The following PPP2R2B variants were observed in gnomAD, a reference collection of about 807,000 sequenced individuals.
The protein encoded by PPP2R2B is protein phosphatase 2 regulatory subunit Bbeta, also known as serine/threonine-protein phosphatase 2A 55 kDa regulatory subunit B beta isoform.
PPP2R2B carries 5 observed loss-of-function variants against 46.0 expected under a neutral mutation model. The ratio of observed to expected loss-of-function variants is 0.11; its 90% CI spans 0.06 to 0.23. The LOEUF (loss-of-function observed/expected upper bound fraction) is 0.23, where lower values mean the gene tolerates loss of function less well. PPP2R2B is among the 10% of genes least tolerant of loss of function. The pLI is 1.00. For missense variants in PPP2R2B, 367 were observed against 575.0 expected (o/e 0.64, Z 3.70); for synonymous variants, 215 against 206.7 (o/e 1.04, Z -0.34).
At chr5:146,886,497 G>A (rs1762332355) in intron 1 of PPP2R2B, among the ~76,000 whole-genome samples, 1 of 152,028 alleles carries the variant, frequency 6.6e-6, no homozygotes, top group Admixed American at 6.6e-5. Flanking sequence ...TATCAATACA[G>A]CTGTTATTAA....
intron 1 of PPP2R2B, among the ~76,000 whole-genome samples, chr5:146,993,864 T>G (rs1450927562): frequency 1.3e-5 from 2 of 152,154 alleles, no homozygotes; most frequent in Non-Finnish European, 2.9e-5. Context: ...CTCCCTACGT[T>G]AGGATACTAT....
intron 1 of PPP2R2B, among the ~76,000 whole-genome samples, chr5:146,998,380 T>C (rs1448121157): frequency 1.3e-5 from 2 of 152,160 alleles, no homozygotes; most frequent in African/African-American, 4.8e-5. Context: ...ATATCCTTAA[T>C]TGAGTCGGAC....
At chr5:146,767,886 C>A (rs1312240801) in intron 2 of PPP2R2B, among the ~76,000 whole-genome samples, 1 of 152,144 alleles carries the variant, frequency 6.6e-6, no homozygotes, top group Non-Finnish European at 1.5e-5. Context: ...TGTGCCTAAC[C>A]TATTCACTCC....
At chr5:147,025,850 A>G (rs1652272899) in intron 1 of PPP2R2B, among the ~76,000 whole-genome samples, 1 of 152,152 alleles carries the variant, frequency 6.6e-6, no homozygotes, top group African/African-American at 2.4e-5. Flanking sequence ...GTTAGCATTT[A>G]GAAGTAAGCA....
intron 1 of PPP2R2B, chr5:146,922,360 C>T (rs1372105292): frequency 6.6e-6 from 1 of 152,202 alleles, no homozygotes; most frequent in African/African-American, 2.4e-5. Context: ...CTCTCCAGGA[C>T]TCTCCCTCCT....
intron 1 of PPP2R2B, among the ~76,000 whole-genome samples, chr5:147,002,616 C>T (rs1162396493): frequency 2.7e-5 from 4 of 149,260 alleles, no homozygotes; most frequent in Non-Finnish European, 4.4e-5. Flanking sequence ...TTCGAGAATG[C>T]ATCAGTAAGG....
chr5:147,062,916 GGACTGT>G (rs1757301027), intron 2 of PPP2R2B, among the ~76,000 whole-genome samples: 1 of 141,188 alleles, frequency 7.1e-6, no homozygotes, highest in African/African-American at 2.6e-5. Context: ...ATGGTGCCAA[GGACTGT>G]GAGATTAGAT....
intron 2 of PPP2R2B, among the ~76,000 whole-genome samples, chr5:146,728,097 A>G (rs971998789): frequency 6.8e-6 from 1 of 147,382 alleles, no homozygotes; most frequent in East Asian, 2.0e-4. Flanking sequence ...ACTTTAAAAA[A>G]CTTTTAGTTT....
At chr5:146,995,300 G>A (rs2013009) in intron 1 of PPP2R2B, among the ~76,000 whole-genome samples, 22,610 of 152,136 alleles carry the variant, frequency 0.15, 2,085 homozygotes, top group East Asian at 0.29. Context: ...CCCAGTACTT[G>A]CCCAGTTTCT....
At chr5:146,592,841 A>G (rs1488291284) in intron 9 of PPP2R2B, 130 bp downstream of exon 9, 1 of 795,086 alleles carries the variant, frequency 1.3e-6, no homozygotes, top group African/African-American at 1.7e-5. Context: ...AGGGGCCCAC[A>G]TTATGCATTT....
At chr5:147,043,233 A>G (rs1294114006) in intron 1 of PPP2R2B, among the ~76,000 whole-genome samples, 1 of 152,038 alleles carries the variant, frequency 6.6e-6, no homozygotes, top group Non-Finnish European at 1.5e-5. Context: ...GGGAGGTGCT[A>G]TGGACTAAAT....
intron 1 of PPP2R2B, among the ~76,000 whole-genome samples, chr5:146,888,925 T>C (rs1346932361): frequency 2.0e-5 from 3 of 152,160 alleles, no homozygotes; most frequent in Non-Finnish European, 4.4e-5. Flanking sequence ...AATTAGCACC[T>C]CCATCTCTGC....
intron 1 of PPP2R2B, among the ~76,000 whole-genome samples, chr5:147,011,866 A>G (rs1412916255): frequency 9.1e-6 from 1 of 110,320 alleles, no homozygotes; most frequent in Non-Finnish European, 2.0e-5. Flanking sequence ...CTCTGTTTAT[A>G]TGTTGGATTA....
At chr5:146,643,348 A>G (rs1486406032) in intron 6 of PPP2R2B, among the ~76,000 whole-genome samples, 2 of 151,388 alleles carry the variant, frequency 1.3e-5, no homozygotes, top group African/African-American at 4.9e-5. Context: ...CCCCTGATCC[A>G]TGGAGCCTAT....
intron 2 of PPP2R2B, among the ~76,000 whole-genome samples, chr5:146,719,793 A>C (rs1456140851): frequency 6.6e-6 from 1 of 152,156 alleles, no homozygotes; most frequent in East Asian, 1.9e-4. Context: ...CAACATTTTG[A>C]ATGAGTTTCT....
intron 5 of PPP2R2B, among the ~76,000 whole-genome samples, chr5:146,685,597 A>T (rs1482823133): frequency 6.6e-6 from 1 of 152,208 alleles, no homozygotes; most frequent in Non-Finnish European, 1.5e-5. Context: ...GGAAGTCCTC[A>T]TTCAGGAGTC....
chr5:146,598,928 GTAAAC>G (rs1449244433), intron 8 of PPP2R2B, among the ~76,000 whole-genome samples: 2 of 152,114 alleles, frequency 1.3e-5, no homozygotes, highest in Non-Finnish European at 2.9e-5. Context: ...TGGTTTGTGA[GTAAAC>G]TAAGATCATT....
At chr5:147,016,664 T>C (rs1260465971) in intron 1 of PPP2R2B, among the ~76,000 whole-genome samples, 1 of 133,894 alleles carries the variant, frequency 7.5e-6, no homozygotes, top group Non-Finnish European at 1.6e-5. Flanking sequence ...TCAATCCTTC[T>C]GTGTTGGGAA....
chr5:146,799,623 C>A (rs761561063), intron 2 of PPP2R2B, among the ~76,000 whole-genome samples: 10 of 152,120 alleles, frequency 6.6e-5, no homozygotes, highest in Non-Finnish European at 1.0e-4. Context: ...AGAGATTCAG[C>A]AAGACTGGGA....
Sources: gnomAD v4.1 joint callset for allele counts (sites outside exome capture counted in the v4.1 genomes callset) on GRCh38, gnomAD v4.1.1 for gene constraint, MANE v1.5 for transcripts, NCBI Gene and HGNC (gene_info 2026-07-23, HGNC 2026-07-21) for gene names.